SPATA16: variants seen among roughly 807,000 people sequenced by gnomAD.
The protein encoded by SPATA16 is spermatogenesis-associated protein 16.
In SPATA16, 36 loss-of-function variants were observed where a neutral mutation model predicts 63.3. The ratio of observed to expected loss-of-function variants is 0.57; its 90% confidence interval spans 0.44 to 0.75. SPATA16 has a LOEUF of 0.75. SPATA16 is among the 30% of genes least tolerant of loss of function. The pLI is 0.00. For missense variants in SPATA16, 646 were observed against 679.3 expected (o/e 0.95, Z 0.54); for synonymous variants, 203 against 216.7 (o/e 0.94, Z 0.56).
intron 6 of SPATA16, among the ~76,000 whole-genome samples, chr3:172,933,716 G>A (rs538507286): frequency 1.1e-4 from 16 of 152,304 alleles, no homozygotes; most frequent in Admixed American, 7.8e-4. Context: ...ATGTAAATCA[G>A]TGTGTTCCAA....
chr3:173,049,165 A>G, intron 2 of SPATA16, 71 bp from the exon 3 acceptor site: 4 of 1,486,794 alleles, frequency 2.7e-6, no homozygotes, highest in Non-Finnish European at 3.6e-6. Flanking sequence ...TAAGCAAAAC[A>G]TGTGTATGTT....
At chr3:172,988,123 T>C (rs997642395) in intron 4 of SPATA16, among the ~76,000 whole-genome samples, 4 of 152,160 alleles carry the variant, frequency 2.6e-5, no homozygotes, top group Admixed American at 6.5e-5. Flanking sequence ...GGCCCTGATA[T>C]GGTAAACTGA....
intron 4 of SPATA16, among the ~76,000 whole-genome samples, chr3:173,009,581 G>A (rs1034382563): frequency 1.3e-5 from 2 of 152,338 alleles, no homozygotes; most frequent in African/African-American, 2.4e-5. Context: ...ACCAACAGGG[G>A]AGGCTAGGCT....
chr3:173,039,893 G>T (rs1257580616), intron 3 of SPATA16, among the ~76,000 whole-genome samples: 2 of 152,132 alleles, frequency 1.3e-5, no homozygotes, highest in African/African-American at 4.8e-5. Context: ...AAGGTGGTGA[G>T]TGTATTTAAT....
chr3:173,054,632 T>TG (rs934897256), intron 2 of SPATA16, among the ~76,000 whole-genome samples: 1 of 151,316 alleles, frequency 6.6e-6, no homozygotes, highest in African/African-American at 2.4e-5. Flanking sequence ...CAGGGCCTAT[T>TG]GGGGGTGGGG....
intron 5 of SPATA16, among the ~76,000 whole-genome samples, chr3:172,965,486 G>GT (rs1733896823): frequency 7.2e-5 from 11 of 152,082 alleles, no homozygotes; most frequent in Admixed American, 7.2e-4. Flanking sequence ...AGAAATGAGT[G>GT]TATCTGGAAT....
chr3:173,105,949 C>T (rs116602603), intron 2 of SPATA16, among the ~76,000 whole-genome samples: 2,010 of 124,292 alleles, frequency 0.016, 29 homozygotes, highest in Non-Finnish European at 0.022. Flanking sequence ...GTTCAATGAA[C>T]TCTGATTTTT....
chr3:173,049,956 C>T (rs891757162), intron 2 of SPATA16, among the ~76,000 whole-genome samples: 4 of 151,936 alleles, frequency 2.6e-5, no homozygotes, highest in African/African-American at 9.7e-5. Context: ...CAGGATATCG[C>T]CTTTTTGCTC....
intron 1 of SPATA16, among the ~76,000 whole-genome samples, chr3:173,127,712 C>T (rs530399691): frequency 7.2e-5 from 11 of 152,342 alleles, no homozygotes; most frequent in East Asian, 3.9e-4. Context: ...AGGCATACAA[C>T]GTCCGCTTGC....
chr3:172,950,118 C>T (rs949756562), intron 6 of SPATA16, among the ~76,000 whole-genome samples: 2 of 152,144 alleles, frequency 1.3e-5, no homozygotes, highest in South Asian at 2.1e-4. Flanking sequence ...CTGCCTTCTT[C>T]AGTCAGATCC....
intron 6 of SPATA16, among the ~76,000 whole-genome samples, chr3:172,934,969 C>T (rs9809205): frequency 0.05 from 7,662 of 152,032 alleles, 337 homozygotes; most frequent in African/African-American, 0.12. Context: ...TTATTATCTA[C>T]GGCTTTGGAA....
Position 173,017,068 on chromosome 3 carries a change from A to G in SPATA16, c.848+2418T>C, listed in dbSNP as rs184173023. Among the ~76,000 whole-genome samples, 16 of 152,176 alleles carry G rather than the reference A, an allele frequency of 1.1e-4. No individual in the cohort carries two copies. The East Asian group carries it at 2.1e-3, about 20-fold the overall frequency. On this transcript the variant is annotated intron_variant, in intron 4 of 10. Transcript: ENST00000351008. Reference sequence around the variant, plus strand: ...TTATATATGTTGATTTACATTAGAAATCTAGCTGCTAAGATACACTACGAT... The same window carrying G: ...TTATATATGTTGATTTACATTAGAAGTCTAGCTGCTAAGATACACTACGAT...
intron 2 of SPATA16, among the ~76,000 whole-genome samples, chr3:173,058,395 C>A (rs1359055013): frequency 1.3e-5 from 2 of 152,020 alleles, no homozygotes; most frequent in Non-Finnish European, 2.9e-5. Context: ...TTGTTATATT[C>A]TATCTGTTAT....
At chr3:173,013,950 T>G (rs1293952800) in intron 4 of SPATA16, among the ~76,000 whole-genome samples, 1 of 152,236 alleles carries the variant, frequency 6.6e-6, no homozygotes, top group Non-Finnish European at 1.5e-5. Flanking sequence ...TGCCTGTTGC[T>G]GCCTCTGGGA....
chr3:173,001,153 C>T (rs1323345350), intron 4 of SPATA16, among the ~76,000 whole-genome samples: 2 of 152,026 alleles, frequency 1.3e-5, no homozygotes, highest in South Asian at 2.1e-4. Flanking sequence ...ATAAAGACTA[C>T]GACGAGTAAT....
At chr3:172,943,466 G>A (rs1258402114) in intron 6 of SPATA16, among the ~76,000 whole-genome samples, 1 of 152,206 alleles carries the variant, frequency 6.6e-6, no homozygotes, top group African/African-American at 2.4e-5. Context: ...AACAGGGATG[G>A]ATTTCTTAAA....
At chr3:173,054,866 G>T (rs1736183624) in intron 2 of SPATA16, among the ~76,000 whole-genome samples, 1 of 151,810 alleles carries the variant, frequency 6.6e-6, no homozygotes, top group Admixed American at 6.6e-5. Context: ...CATATCCTGG[G>T]CTATAAAACA....
intron 2 of SPATA16, among the ~76,000 whole-genome samples, chr3:173,081,895 A>T (rs1193316925): frequency 6.6e-6 from 1 of 152,220 alleles, no homozygotes; most frequent in Non-Finnish European, 1.5e-5. Context: ...TATGGTAATC[A>T]TATGGTTATT....
At chr3:173,039,758 G>A (rs1482264244) in intron 3 of SPATA16, among the ~76,000 whole-genome samples, 1 of 152,066 alleles carries the variant, frequency 6.6e-6, no homozygotes, top group East Asian at 1.9e-4. Flanking sequence ...TAAAATGTCT[G>A]GGTGAAGAGC....
Sources: allele counts gnomAD v4.1 joint callset (sites outside exome capture counted in the v4.1 genomes callset), GRCh38; gene constraint gnomAD v4.1.1; transcripts MANE v1.5; gene names NCBI Gene and HGNC (gene_info 2026-07-23, HGNC 2026-07-21).